Variants in BACE2 observed in about 807,000 individuals in gnomAD.
BACE2 encodes the protein 56 kDa aspartic-like protease.
Under a neutral mutation model 46.2 loss-of-function variants are expected in BACE2, and 17 were observed. That is an observed-to-expected ratio of 0.37 (90% CI 0.25 to 0.55). The LOEUF (loss-of-function observed/expected upper bound fraction) is 0.55. BACE2 is among the 20% of genes least tolerant of loss of function. The pLI is 0.82. For missense variants in BACE2, 595 were observed against 698.1 expected, an observed-to-expected ratio of 0.85 and a Z score of 1.66; for synonymous variants, 277 against 295.9, an observed-to-expected ratio of 0.94 and a Z score of 0.66.
At chr21:41,248,182 C>T (rs1339266238) in intron 6 of BACE2, among the ~76,000 whole-genome samples, 2 of 152,156 alleles carry the variant, frequency 1.3e-5, no homozygotes, top group African/African-American at 2.4e-5. Flanking sequence ...TCAGGCCCAG[C>T]GCCTCTCTAC....
At chr21:41,224,209 A>ATTTTTTTTTTTTTT (rs10658440) in intron 1 of BACE2, among the ~76,000 whole-genome samples, 5 of 98,896 alleles carry the variant, frequency 5.1e-5, no homozygotes, top group African/African-American at 9.0e-5. Context: ...GCCTATTTTG[A>ATTTTTTTTTTTTTT]TTTTTTTTTT....
chr21:41,214,929 TG>T (rs1486689372), intron 1 of BACE2, among the ~76,000 whole-genome samples: 15 of 148,910 alleles, frequency 1.0e-4, no homozygotes, highest in Admixed American at 2.0e-4. Flanking sequence ...GGAAGAGGTA[TG>T]GGGGGAGGGC....
At chr21:41,272,546 TC>T (rs1250921786) in intron 8 of BACE2, among the ~76,000 whole-genome samples, 2 of 152,102 alleles carry the variant, frequency 1.3e-5, no homozygotes. Context: ...AATTCATTAG[TC>T]TGTTTTTCTG....
At chr21:41,169,339 C>T (rs1984513544) in intron 1 of BACE2, among the ~76,000 whole-genome samples, 1 of 151,684 alleles carries the variant, frequency 6.6e-6, no homozygotes, top group Non-Finnish European at 1.5e-5. Flanking sequence ...AGTGGTATCC[C>T]GATTACAACA....
Position 41,237,605 on chromosome 21 carries a change from T to C in BACE2, c.494T>C (p.Ile165Thr). The change falls in exon 3 of 9, where the codon ATC becomes ACC. Residue 165 changes from isoleucine to threonine, a missense_variant. This residue lies in a region of BACE2 where 248 missense variants were observed against 261.4 expected (regional missense o/e 0.95). Transcript: ENST00000330333. Reference protein sequence around the residue: ...TGFVGEDLVTIPKGFNTSFLV... With the variant: ...TGFVGEDLVTTPKGFNTSFLV... ...TTCGTTGGGGAAGACCTCGTCACCA[T>C]CCCCAAAGGCTTCAATACTTCTTTT... 2 of 1,614,176 alleles carry C rather than the reference T, an allele frequency of 1.2e-6. No individual in the cohort carries two copies. The highest frequency in any genetic ancestry group is 1.7e-6 in the Non-Finnish European group (2 of 1,180,004).
At position 41,182,473 on chromosome 21, in the gene BACE2, G is replaced by T. The variant is rs751130459; in HGVS notation, c.312+13898G>T. 3 of 166,994 alleles carry T rather than the reference G, an allele frequency of 1.8e-5. No individual in the cohort carries two copies. The Admixed American group carries it at 2.0e-4, about 11-fold the overall frequency. 10.3% of individuals were successfully genotyped at this position (166,994 alleles called of 1,614,324 possible). A position where few individuals can be genotyped will look rare whatever the true frequency, so the allele number is the denominator to read the frequency against. ...ATTTTTTCCTTTGTGGGGAAGGACA[G>T]TATTTTATTTTTATATTGGAGGGCC... On this transcript the variant is annotated intron_variant, in intron 1 of 8. Coordinates refer to ENST00000330333, the MANE Select transcript of BACE2 (RefSeq NM_012105.5).
chr21:41,201,322 G>C (rs1405208918), intron 1 of BACE2, among the ~76,000 whole-genome samples: 3 of 152,248 alleles, frequency 2.0e-5, no homozygotes, highest in Non-Finnish European at 4.4e-5. Flanking sequence ...GTAGAGTTGA[G>C]TTTGTTTTTC....
Position 41,281,927 on chromosome 21 carries a change from G to C in BACE2, c.*6303G>C, listed in dbSNP as rs911805896. 1 of 152,154 alleles carries C rather than the reference G, an allele frequency of 6.6e-6. No individual in the cohort carries two copies. The highest frequency in any genetic ancestry group is 1.5e-5 in the Non-Finnish European group (1 of 68,022). 9.4% of individuals were successfully genotyped at this position (152,154 alleles called of 1,614,324 possible). On this transcript the variant is annotated 3_prime_UTR_variant, in exon 9 of 9. Coordinates refer to ENST00000330333, the MANE Select transcript of BACE2 (RefSeq NM_012105.5). ...GCAGCGAATGAATGAGATTTGTCAT[G>C]TGCTAATAAAAGCTGAATTTTTGTA...
At chr21:41,223,777 A>C (rs759201111) in intron 1 of BACE2, among the ~76,000 whole-genome samples, 1 of 152,214 alleles carries the variant, frequency 6.6e-6, no homozygotes, top group East Asian at 1.9e-4. Context: ...TTAGCCAGCC[A>C]GGGAAAGGTG....
At chr21:41,265,257 G>A (rs1018080980) in intron 8 of BACE2, among the ~76,000 whole-genome samples, 10 of 149,898 alleles carry the variant, frequency 6.7e-5, no homozygotes, top group Middle Eastern at 7.0e-3. Context: ...AGGCATTTAG[G>A]TTGTTTTAAG....
At chr21:41,252,241 T>G (rs1987662740) in intron 7 of BACE2, among the ~76,000 whole-genome samples, 1 of 152,142 alleles carries the variant, frequency 6.6e-6, no homozygotes, top group Admixed American at 6.5e-5. Context: ...TCCTCAGTGT[T>G]TTCACTGAAC....
rs1394700886 is a variant in BACE2 at position 41,281,559 on chromosome 21, A to G, written c.*5935A>G. 1 of 152,218 alleles carries G rather than the reference A, an allele frequency of 6.6e-6. No individual in the cohort carries two copies. Among genetic ancestry groups the G allele is most frequent in the Non-Finnish European group, 1.5e-5 (1 of 68,034 alleles). The allele number at this position is 152,218 out of a possible 1,614,324, so 9.4% of individuals were successfully genotyped here. A position where few individuals can be genotyped will look rare whatever the true frequency, so the allele number is the denominator to read the frequency against. The stretch of plus-strand genomic sequence containing the variant: ...TGGAGGTCATTGCAAGTTCCCTGAT[A>G]TGAGTATGGTTTCGCTTGCTACATT... On this transcript the variant is annotated 3_prime_UTR_variant, in exon 9 of 9. Coordinates refer to ENST00000330333, the MANE Select transcript of BACE2 (RefSeq NM_012105.5).
Position 41,277,480 on chromosome 21 carries a change from G to C in BACE2, c.*1856G>C, listed in dbSNP as rs886542283. 6.6e-6 allele frequency: 1 copy of C among 152,326 alleles called. No individual in the cohort carries two copies. The highest frequency in any genetic ancestry group is 2.1e-4 in the South Asian group (1 of 4,826). The allele number at this position is 152,326 out of a possible 1,614,324, so 9.4% of individuals were successfully genotyped here. Reference sequence around the variant, plus strand: ...AATCTCAGAATGCATTTCACACGGAGAGATGTCTGGAAGTCCAATTCTCAT... The same window carrying C: ...AATCTCAGAATGCATTTCACACGGACAGATGTCTGGAAGTCCAATTCTCAT... On this transcript the variant is annotated 3_prime_UTR_variant, in exon 9 of 9. Coordinates refer to ENST00000330333, the MANE Select transcript of BACE2 (RefSeq NM_012105.5).
intron 5 of BACE2, among the ~76,000 whole-genome samples, chr21:41,245,088 AT>A: frequency 6.6e-6 from 1 of 152,250 alleles, no homozygotes; most frequent in South Asian, 2.1e-4. Flanking sequence ...AAAACTGAAA[AT>A]TTTATGAACA....
chr21:41,252,430 A>C (rs891410009), intron 7 of BACE2: 1 of 152,190 alleles, frequency 6.6e-6, no homozygotes, highest in Admixed American at 6.5e-5. Context: ...TGTTGAAACC[A>C]TGCCGAGCAG....
In BACE2 at chr21:41,275,511, A is replaced by G; in HGVS notation, c.1444A>G (p.Ile482Val). Residue 482 changes from isoleucine (I) to valine (V), a missense_variant, in exon 9 of 9, where the codon ATC (isoleucine) becomes GTC (valine). By Grantham distance (29) the Ile-to-Val change is conservative. Coordinates refer to ENST00000330333, the MANE Select transcript of BACE2 (RefSeq NM_012105.5). The part of the protein sequence containing the change: ...SYALMSVCGA[I>V]LLVLIVLLLL... ...TGCGCTCATGAGCGTCTGTGGAGCC[A>G]TCCTCCTTGTCTTAATCGTCCTGCT... is the stretch of plus-strand genomic sequence containing the variant. 1 of 1,614,040 alleles carries G rather than the reference A, an allele frequency of 6.2e-7. No individual in the cohort carries two copies.
intron 1 of BACE2, among the ~76,000 whole-genome samples, chr21:41,169,068 C>T (rs908442543): frequency 1.3e-5 from 2 of 148,894 alleles, no homozygotes; most frequent in Non-Finnish European, 3.0e-5. Context: ...GGCGCAGTAC[C>T]CTTTAAAAAG....
chr21:41,191,102 T>C (rs1985554848), intron 1 of BACE2, among the ~76,000 whole-genome samples: 2 of 152,198 alleles, frequency 1.3e-5, no homozygotes, highest in Admixed American at 1.3e-4. Context: ...CCTTGATTCC[T>C]GGACCCGTGA....
intron 1 of BACE2, among the ~76,000 whole-genome samples, chr21:41,214,295 G>A (rs1434855798): frequency 1.3e-5 from 2 of 152,170 alleles, no homozygotes; most frequent in Non-Finnish European, 2.9e-5. Context: ...TTTGATGGGA[G>A]GGTAGAATTG....
Sources: gnomAD v4.1 joint callset for allele counts (sites outside exome capture counted in the v4.1 genomes callset) on GRCh38, gnomAD v4.1.1 for gene constraint, gnomAD v4.1.1 regional missense constraint, MANE v1.5 for transcripts, NCBI Gene and HGNC (gene_info 2026-07-23, HGNC 2026-07-21) for gene names.